TAF4: variants seen among roughly 807,000 people sequenced by gnomAD.
The protein encoded by TAF4 is TATA-box binding protein associated factor 4.
A neutral mutation model predicts 90.3 loss-of-function variants in TAF4; 9 were observed. The ratio of observed to expected loss-of-function variants is 0.10; its 90% CI spans 0.06 to 0.17. The LOEUF (loss-of-function observed/expected upper bound fraction) is 0.17, where lower values mean the gene tolerates loss of function less well. Among genes scored for constraint, TAF4 ranks in the 10% least tolerant of loss-of-function variants. The pLI is 1.00. For missense variants in TAF4, 1,351 were observed against 1,370.7 expected (o/e 0.99, Z 0.23); for synonymous variants, 818 against 638.9 (o/e 1.28, Z -4.23).
intron 1 of TAF4, among the ~76,000 whole-genome samples, chr20:62,029,845 G>A (rs2055894884): frequency 6.6e-6 from 1 of 152,316 alleles, no homozygotes; most frequent in East Asian, 1.9e-4. Flanking sequence ...GTCGGAGCTT[G>A]CGGTGAGCCG....
chr20:62,062,825 G>C (rs1324824512), intron 1 of TAF4, among the ~76,000 whole-genome samples: 1 of 152,168 alleles, frequency 6.6e-6, no homozygotes, highest in Non-Finnish European at 1.5e-5. Context: ...AGAGCAAGAG[G>C]ACCTGGCCAG....
At chr20:62,008,864 G>C (rs893291747) in intron 5 of TAF4, 188 bp downstream of exon 5, 1 of 665,688 alleles carries the variant, frequency 1.5e-6, no homozygotes, top group Admixed American at 3.5e-5. Context: ...CCAGCCCCAG[G>C]AAGGAGTCTC....
At position 62,064,528 on chromosome 20, in the gene TAF4, G is replaced by C; in HGVS notation, c.1283C>G (p.Thr428Arg). ...CAAGCGGGGGGCCAGCACGGTGGGC[G>C]TCAGGGTGGCCCGAATCCCGCTGGT... is the stretch of plus-strand genomic sequence containing the variant. ...ATTSGIRATL[T>R]PTVLAPRLPQ... The change falls in exon 1 of 15, where the codon ACG (threonine) becomes AGG (arginine). Residue 428 changes from threonine to arginine, a missense_variant. Thr to Arg is a moderately conservative substitution (Grantham distance 71, BLOSUM62 -1). Coordinates refer to ENST00000252996, the MANE Select transcript of TAF4 (RefSeq NM_003185.4). 2 of 1,530,782 alleles carry C rather than the reference G, an allele frequency of 1.3e-6. No homozygotes were observed. Among genetic ancestry groups the C allele is most frequent in the Non-Finnish European group, 1.7e-6 (2 of 1,142,916 alleles). The allele number at this position is 1,530,782 out of a possible 1,614,324, so 94.8% of individuals were successfully genotyped here.
At chr20:62,030,955 T>C (rs2055901398) in intron 1 of TAF4, among the ~76,000 whole-genome samples, 1 of 152,216 alleles carries the variant, frequency 6.6e-6, no homozygotes, top group East Asian at 1.9e-4. Context: ...GCACCTGAGC[T>C]TCCTGAAATG....
In TAF4 at chr20:61,999,280, G is replaced by A. The variant is rs538993767; in HGVS notation, c.2788-172C>T. ...AAATGCTGCGCCCGAGAGCTCTATC[G>A]ATGCTCACGTCCACAGAACGAAGTC... On this transcript the variant is annotated intron_variant, in intron 11 of 14. Transcript: ENST00000252996. Among the ~76,000 whole-genome samples the A allele has an allele frequency of 2.6e-4, 39 of 152,284 alleles. 1 individual carries two copies. The highest frequency in any genetic ancestry group is 5.2e-4 in the Admixed American group (8 of 15,306).
At chr20:62,049,177 C>T (rs902475046) in intron 1 of TAF4, among the ~76,000 whole-genome samples, 13 of 152,060 alleles carry the variant, frequency 8.5e-5, no homozygotes, top group African/African-American at 3.1e-4. Flanking sequence ...TGCAGCAGTG[C>T]CCACGCCCGC....
At chr20:62,041,092 G>A (rs556692502) in intron 1 of TAF4, among the ~76,000 whole-genome samples, 52 of 152,204 alleles carry the variant, frequency 3.4e-4, no homozygotes, top group African/African-American at 1.2e-3. Context: ...TGGGGTTTCA[G>A]CGACCTGAGC....
intron 1 of TAF4, among the ~76,000 whole-genome samples, chr20:62,025,149 T>C (rs2055867744): frequency 6.6e-6 from 1 of 151,650 alleles, no homozygotes; most frequent in South Asian, 2.1e-4. Flanking sequence ...ACTCCTCATG[T>C]AGGACCTGCC....
rs2055744626 is a variant in TAF4, at chr20:62,006,292, A to G, written c.2223+218T>C. On this transcript the variant is annotated intron_variant, in intron 7 of 14. Transcript: ENST00000252996. The surrounding 1 kb of genome is among the most constrained non-coding windows in gnomAD (Gnocchi z 7.0). ...GGGACGTGCCGGTGGTTCAAAGCCA[A>G]CTCAACTATTTCATTTTACTGAGAC... 2 of 599,704 alleles carry G rather than the reference A, an allele frequency of 3.3e-6. No homozygotes were observed. The highest frequency in any genetic ancestry group is 2.4e-6 in the Non-Finnish European group (1 of 408,282). 37.1% of individuals were successfully genotyped at this position (599,704 alleles called of 1,614,324 possible). A position where few individuals can be genotyped will look rare whatever the true frequency, so the allele number is the denominator to read the frequency against.
At chr20:62,046,127 C>T (rs950021909) in intron 1 of TAF4, among the ~76,000 whole-genome samples, 3 of 152,214 alleles carry the variant, frequency 2.0e-5, no homozygotes, top group Admixed American at 1.3e-4. Context: ...AAATGAGACA[C>T]AAATGACAAC....
At chr20:62,064,218 G>A (rs1156880834) in intron 1 of TAF4, 4 of 419,222 alleles carry the variant, frequency 9.5e-6, no homozygotes, top group Non-Finnish European at 1.2e-5. Flanking sequence ...GGCAGCCAGC[G>A]CGGACGTCAG....
At chr20:61,986,509 C>A (rs770736876) in intron 14 of TAF4, among the ~76,000 whole-genome samples, 5 of 133,570 alleles carry the variant, frequency 3.7e-5, no homozygotes, top group Admixed American at 3.7e-4. Context: ...CCATTCCCAA[C>A]CAAAGGAAAC....
At position 62,019,577 on chromosome 20, in the gene TAF4, C is replaced by A. The variant is rs113828480; in HGVS notation, c.1361-4870G>T. 1.1e-4 allele frequency among the ~76,000 whole-genome samples: 17 copies of A among 152,332 alleles called. 1 individual carries two copies. The highest frequency in any genetic ancestry group is 4.1e-4 in the African/African-American group (17 of 41,586). On this transcript the variant is annotated intron_variant, in intron 1 of 14. Transcript: ENST00000252996. ...GGCAATGCAGAGCCAGCAGTGGCCACGAGACGCCTCCCTGGGGAAGGAGCA... is the reference window on the plus strand; with the variant it reads ...GGCAATGCAGAGCCAGCAGTGGCCAAGAGACGCCTCCCTGGGGAAGGAGCA...
chr20:62,055,858 A>AG (rs2056060598), intron 1 of TAF4, among the ~76,000 whole-genome samples: 1 of 152,186 alleles, frequency 6.6e-6, no homozygotes, highest in South Asian at 2.1e-4. Flanking sequence ...CCATGAAAGC[A>AG]GGGGCTGTCA....
Position 62,021,544 on chromosome 20 carries a change from G to A in TAF4, c.1361-6837C>T, listed in dbSNP as rs142245955. On this transcript the variant is annotated intron_variant, in intron 1 of 14. Transcript: ENST00000252996. ...GCCAAGGGCCGTGCGCGCCCAACGC[G>A]GAGTCGGCCAGGGCTGCGTGGGCTG... Among the ~76,000 whole-genome samples, 486 of 152,370 alleles carry A rather than the reference G, an allele frequency of 3.2e-3. 2 individuals carry two copies. Among genetic ancestry groups the A allele is most frequent in the Middle Eastern group, 0.017 (5 of 294 alleles).
chr20:62,040,031 G>A (rs1334716808), intron 1 of TAF4, among the ~76,000 whole-genome samples: 2 of 152,174 alleles, frequency 1.3e-5, no homozygotes, highest in African/African-American at 4.8e-5. Context: ...ATGCGCTGCT[G>A]GTGAGACACA....
intron 1 of TAF4, among the ~76,000 whole-genome samples, chr20:62,025,498 G>A (rs1179132018): frequency 6.6e-6 from 1 of 152,072 alleles, no homozygotes; most frequent in African/African-American, 2.4e-5. Flanking sequence ...TGGAGGGAGG[G>A]AAGTGACTGG....
At chr20:62,047,020 TAAC>T (rs1281877348) in intron 1 of TAF4, among the ~76,000 whole-genome samples, 1 of 152,238 alleles carries the variant, frequency 6.6e-6, no homozygotes, top group African/African-American at 2.4e-5. Context: ...TTCATTGTCT[TAAC>T]AACGTCTGTC....
intron 1 of TAF4, among the ~76,000 whole-genome samples, chr20:62,033,611 C>A (rs13044934): frequency 0.48 from 73,369 of 151,784 alleles, 18,504 homozygotes; most frequent in Middle Eastern, 0.64. Context: ...GTGGCGCATG[C>A]CTATAATCCC....
Sources: allele counts gnomAD v4.1 joint callset (sites outside exome capture counted in the v4.1 genomes callset), GRCh38; gene constraint gnomAD v4.1.1; non-coding constraint Gnocchi (gnomAD v3.1); transcripts MANE v1.5; gene names NCBI Gene and HGNC (gene_info 2026-07-23, HGNC 2026-07-21).